AKAP4: variants seen among roughly 807,000 people sequenced by gnomAD.
AKAP4 encodes the protein A-kinase anchoring protein 4.
AKAP4 carries 4 observed loss-of-function variants against 42.6 expected under a neutral mutation model. That is an observed-to-expected ratio of 0.09 (90% CI 0.05 to 0.22). The LOEUF (loss-of-function observed/expected upper bound fraction) is 0.22, where lower values mean the gene tolerates loss of function less well. Ranked by LOEUF, AKAP4 falls within the 10% of genes least tolerant of loss-of-function variation. The pLI, the probability that AKAP4 is intolerant of heterozygous loss-of-function variation, is 1.00. For missense variants in AKAP4, 551 were observed against 630.7 expected, an observed-to-expected ratio of 0.87 and a Z score of 1.35; for synonymous variants, 223 against 233.0, an observed-to-expected ratio of 0.96 and a Z score of 0.39.
chrX:50,199,847 CT>C (rs1252622355), intron 1 of AKAP4, among the ~76,000 whole-genome samples: 1 of 50,137 alleles, frequency 2.0e-5, no homozygotes, highest in Non-Finnish European at 3.6e-5. Flanking sequence ...CCCTTTCTCC[CT>C]CTTCCCTCCC....
intron 2 of AKAP4, 88 bp downstream of exon 2, chrX:50,198,569 C>T (rs1348015335): frequency 6.0e-6 from 4 of 667,569 alleles, no homozygotes; most frequent in Admixed American, 2.7e-5. Context: ...AGGGTATCAT[C>T]GTCCATTAGT....
In AKAP4 at chrX:50,198,798, T is replaced by C. The variant is rs782375975; in HGVS notation, c.28-46A>G. 4 of 1,021,271 alleles carry C rather than the reference T, an allele frequency of 3.9e-6. 1 individual carries two copies. Among genetic ancestry groups the C allele is most frequent in the Admixed American group, 4.8e-5 (2 of 41,277 alleles). The allele number at this position is 1,021,271 out of a possible 1,213,427, so 84.2% of individuals were successfully genotyped here. The stretch of plus-strand genomic sequence containing the variant: ...AAGCTGAAATGCTTATATATGGTTT[T>C]TGGAAACCGGGTCAATTTGGATAAG... On this transcript the variant is annotated intron_variant, in intron 1 of 5. Coordinates refer to ENST00000358526, the MANE Select transcript of AKAP4 (RefSeq NM_003886.3).
At chrX:50,198,407 C>A (rs1935217737) in intron 2 of AKAP4, among the ~76,000 whole-genome samples, 1 of 109,647 alleles carries the variant, frequency 9.1e-6, no homozygotes, top group African/African-American at 3.3e-5. Context: ...CAGGCAACCA[C>A]CACTCCTCCC....
At chrX:50,194,858 A>C (rs1935169969) in intron 4 of AKAP4, among the ~76,000 whole-genome samples, 1 of 111,611 alleles carries the variant, frequency 9.0e-6, no homozygotes, top group African/African-American at 3.3e-5. Flanking sequence ...ATGTCTAAGC[A>C]TGTGTAATAA....
chrX:50,200,787 C>A, intron 1 of AKAP4, 76 bp downstream of exon 1: 2 of 1,000,871 alleles, frequency 2.0e-6, no homozygotes, highest in Non-Finnish European at 2.8e-6. Flanking sequence ...TGGAGGCTGC[C>A]TCAGCAGCTT....
At chrX:50,192,240 A>G in intron 5 of AKAP4, 64 bp downstream of exon 5, 3 of 964,872 alleles carry the variant, frequency 3.1e-6, no homozygotes, top group Non-Finnish European at 4.2e-6. Context: ...GGCTCTAAGT[A>G]CAATGCTGCC....
intron 1 of AKAP4, among the ~76,000 whole-genome samples, chrX:50,199,900 C>T (rs782154659): frequency 3.0e-4 from 25 of 82,275 alleles, no homozygotes; most frequent in African/African-American, 1.1e-3. Context: ...TTCCTTCCAC[C>T]CCTTCTCTAT....
chrX:50,191,104 A>C lies in AKAP4; in HGVS notation c.2421T>G (p.Val807=). ...KDGQLEKLPQ[V]SAKAAEKGYS... Reference sequence around the variant, plus strand: ...ACCCCTTCTCTGCTGCTTTAGCTGAAACCTGAGGAAGCTGTGGGGAAAACA... The same window carrying C: ...ACCCCTTCTCTGCTGCTTTAGCTGACACCTGAGGAAGCTGTGGGGAAAACA... The change falls in exon 6 of 6, where the codon GTT becomes GTG. Residue 807 remains valine (V), a synonymous_variant. Transcript: ENST00000358526. 1 of 1,208,804 alleles carries C rather than the reference A, an allele frequency of 8.3e-7. No homozygotes were observed. The highest frequency in any genetic ancestry group is 1.1e-6 in the Non-Finnish European group (1 of 894,096).
chrX:50,196,309 G>A (rs904544307), intron 4 of AKAP4, among the ~76,000 whole-genome samples: 2 of 111,558 alleles, frequency 1.8e-5, no homozygotes, highest in Non-Finnish European at 3.8e-5. Context: ...GCCACTCCAG[G>A]CTTGTAGGTA....
At chrX:50,200,092 T>C (rs1391984546) in intron 1 of AKAP4, 3 of 380,350 alleles carry the variant, frequency 7.9e-6, no homozygotes, top group Non-Finnish European at 6.6e-6. Context: ...AGGGAGTTTC[T>C]TTTTTTCCAA....
Position 50,193,840 on chromosome X carries a change from C to T in AKAP4, c.873G>A (p.Glu291=), listed in dbSNP as rs782704885. Residue 291 remains glutamate, a synonymous_variant, in exon 5 of 6, where the codon GAG becomes GAA. Transcript: ENST00000358526. ...LTAAEMRGTG[E]ESREGGQKSF... The stretch of plus-strand genomic sequence containing the variant: ...TTTTCTGGCCACCTTCCCTGGACTC[C>T]TCTCCAGTGCCACGCATTTCTGCAG... 1.8e-5 allele frequency: 22 copies of T among 1,210,180 alleles called. No homozygotes were observed. Among genetic ancestry groups the T allele is most frequent in the Non-Finnish European group, 2.3e-5 (21 of 895,293 alleles).
chrX:50,199,374 C>G (rs1557204654), intron 1 of AKAP4, among the ~76,000 whole-genome samples: 1 of 109,109 alleles, frequency 9.2e-6, no homozygotes, highest in African/African-American at 3.4e-5. Flanking sequence ...CTGAGAAAAC[C>G]CAGTCTAATA....
Position 50,193,180 on chromosome X carries a change from C to T in AKAP4, c.1533G>A (p.Lys511=). The change falls in exon 5 of 6, where the codon AAG becomes AAA. Residue 511 remains lysine (K), a synonymous_variant. Transcript: ENST00000358526. ...LKEGLTIWNQ[K]QGNSCKVATK... is the part of the protein sequence containing the mutation. ...TAGCCACCTTGCATGAGTTTCCTTG[C>T]TTTTGGTTCCAGATGGTTAGGCCCT... 2.5e-6 allele frequency: 3 copies of T among 1,211,812 alleles called. No individual in the cohort carries two copies. The highest frequency in any genetic ancestry group is 3.3e-6 in the Non-Finnish European group (3 of 895,544).
chrX:50,196,788 C>A, intron 4 of AKAP4, 103 bp downstream of exon 4: 2 of 562,162 alleles, frequency 3.6e-6, no homozygotes, highest in Non-Finnish European at 5.9e-6. Context: ...AATTGATGAG[C>A]CTGTTTGACA....
Position 50,190,898 on chromosome X carries a change from G to A in AKAP4, c.*62C>T, listed in dbSNP as rs1935097929. 8.5e-7 allele frequency: 1 copy of A among 1,179,085 alleles called. No homozygotes were observed. The highest frequency in any genetic ancestry group is 2.2e-5 in the Admixed American group (1 of 45,140). ...GCAGTTGACTGGCCTGATGGTGGGG[G>A]TGCTCTGGCTGGGATGGAATGCTGC... On this transcript the variant is annotated 3_prime_UTR_variant, in exon 6 of 6. Coordinates refer to ENST00000358526, the MANE Select transcript of AKAP4 (RefSeq NM_003886.3).
chrX:50,192,768 A>G lies in AKAP4; in HGVS notation c.1945T>C (p.Cys649Arg), dbSNP rs147525170. ...NENPFKCEDPCEGENKCSEPR... is the reference protein window; with the variant it reads ...NENPFKCEDPREGENKCSEPR... ...TCAGAACACTTGTTCTCACCTTCGC[A>G]TGGATCCTCACATTTGAAGGGGTTC... is the stretch of plus-strand genomic sequence containing the variant. The change falls in exon 5 of 6, where the codon TGC (cysteine) becomes CGC (arginine). Residue 649 changes from cysteine (C) to arginine (R), a missense_variant. Cys to Arg is a radical substitution (Grantham distance 180). Transcript: ENST00000358526. The G allele has an allele frequency of 1.6e-5, 19 of 1,210,194 alleles. No homozygotes were observed. Among genetic ancestry groups the G allele is most frequent in the Non-Finnish European group, 2.1e-5 (19 of 895,312 alleles).
intron 1 of AKAP4, 128 bp from the exon 2 acceptor site, chrX:50,198,880 G>C: frequency 4.3e-6 from 2 of 468,634 alleles, no homozygotes; most frequent in Non-Finnish European, 7.2e-6. Context: ...GTTTAGGCTA[G>C]GAACTGGTGG....
chrX:50,191,500 A>AAGTATG (rs1935107835), intron 5 of AKAP4, among the ~76,000 whole-genome samples: 1 of 110,762 alleles, frequency 9.0e-6, no homozygotes, highest in Non-Finnish European at 1.9e-5. Context: ...CTCCCTAAAA[A>AAGTATG]AGTATGAGAC....
intron 1 of AKAP4, chrX:50,200,282 G>C (rs1557204727): frequency 1.3e-6 from 1 of 752,156 alleles, no homozygotes; most frequent in Admixed American, 8.8e-5. Context: ...CACCCAGAAG[G>C]GAGATGTGCC....
Sources: gnomAD v4.1 joint callset for allele counts (sites outside exome capture counted in the v4.1 genomes callset) on GRCh38, gnomAD v4.1.1 for gene constraint, MANE v1.5 for transcripts, NCBI Gene and HGNC (gene_info 2026-07-23, HGNC 2026-07-21) for gene names.